DOCK3: variants seen among roughly 807,000 people sequenced by gnomAD.
The protein encoded by DOCK3 is dedicator of cytokinesis protein 3.
Under a neutral mutation model 265.6 loss-of-function variants are expected in DOCK3, and 60 were observed. The ratio of observed to expected loss-of-function variants is 0.23; its 90% CI spans 0.18 to 0.28. The LOEUF (loss-of-function observed/expected upper bound fraction) is 0.28, where lower values mean the gene tolerates loss of function less well. Among genes scored for constraint, DOCK3 ranks in the 10% least tolerant of loss-of-function variants. The probability of loss-of-function intolerance (pLI) is 1.00; values close to 1 mark genes in which losing one functional copy is unlikely to be tolerated. For missense variants in DOCK3, 1,981 were observed against 2,594.3 expected (o/e 0.76, Z 5.14); for synonymous variants, 881 against 938.0 (o/e 0.94, Z 1.11).
intron 3 of DOCK3, among the ~76,000 whole-genome samples, chr3:50,843,473 G>A (rs1300616811): frequency 6.6e-6 from 1 of 152,074 alleles, no homozygotes; most frequent in African/African-American, 2.4e-5. Flanking sequence ...TTATTTTAGA[G>A]TTAAGGAAAA....
At chr3:50,923,520 C>T (rs558435746) in intron 4 of DOCK3, among the ~76,000 whole-genome samples, 1 of 152,190 alleles carries the variant, frequency 6.6e-6, no homozygotes, top group Non-Finnish European at 1.5e-5. Flanking sequence ...TTCTCTTTTG[C>T]TCTTCTCTAA....
chr3:51,146,502 G>A (rs2085310392), intron 9 of DOCK3, 47 bp from the exon 10 acceptor site: 2 of 1,537,732 alleles, frequency 1.3e-6, no homozygotes, highest in Non-Finnish European at 1.8e-6. Flanking sequence ...CTTTGTTCTG[G>A]AGTGTGTTAC....
intron 4 of DOCK3, among the ~76,000 whole-genome samples, chr3:50,930,947 G>A (rs1033758444): frequency 1.3e-5 from 2 of 152,162 alleles, no homozygotes; most frequent in Non-Finnish European, 2.9e-5. Flanking sequence ...AGTGGCAGGA[G>A]AGGGCAGTGA....
At chr3:50,760,441 A>AC (rs1411991470) in intron 1 of DOCK3, among the ~76,000 whole-genome samples, 1 of 152,194 alleles carries the variant, frequency 6.6e-6, no homozygotes, top group Non-Finnish European at 1.5e-5. Flanking sequence ...TAGAAATCAT[A>AC]CCTTGAGTAT....
intron 9 of DOCK3, among the ~76,000 whole-genome samples, chr3:51,141,873 C>G (rs2085081845): frequency 6.6e-6 from 1 of 151,872 alleles, no homozygotes; most frequent in Non-Finnish European, 1.5e-5. Flanking sequence ...CACTTTTTCA[C>G]TTGTCTGTGT....
chr3:51,180,853 G>A (rs968593797), intron 12 of DOCK3, among the ~76,000 whole-genome samples: 1 of 152,128 alleles, frequency 6.6e-6, no homozygotes, highest in African/African-American at 2.4e-5. Flanking sequence ...GAGATTGTGT[G>A]CTCTCTGCAA....
chr3:51,145,387 A>G (rs931926696), intron 9 of DOCK3, among the ~76,000 whole-genome samples: 18 of 151,818 alleles, frequency 1.2e-4, no homozygotes, highest in East Asian at 5.8e-4. Context: ...CACTCCGCCT[A>G]CCCCACACCA....
intron 5 of DOCK3, among the ~76,000 whole-genome samples, chr3:51,008,642 T>C (rs1023315480): frequency 2.6e-5 from 4 of 152,216 alleles, no homozygotes; most frequent in African/African-American, 7.2e-5. Context: ...CTGATTGCCC[T>C]GGCCAGAACT....
chr3:50,723,216 G>C (rs1442135206), intron 1 of DOCK3, among the ~76,000 whole-genome samples: 1 of 152,142 alleles, frequency 6.6e-6, no homozygotes, highest in Non-Finnish European at 1.5e-5. Flanking sequence ...CTATACACAG[G>C]TCCATAGAGA....
chr3:50,864,451 C>T (rs2047049290), intron 3 of DOCK3, among the ~76,000 whole-genome samples: 1 of 152,098 alleles, frequency 6.6e-6, no homozygotes, highest in African/African-American at 2.4e-5. Flanking sequence ...TTGATATAAT[C>T]CCATTTATCT....
At position 50,849,900 on chromosome 3, in the gene DOCK3, A is replaced by G. The variant is rs377224671; in HGVS notation, c.162+8185A>G. On this transcript the variant is annotated intron_variant, in intron 3 of 52. Coordinates refer to ENST00000266037, the MANE Select transcript of DOCK3 (RefSeq NM_004947.5). ...GGACTTTGAGACCAGCCTGGGCAAC[A>G]TAGCGAAACCTCGTCTTTAAAAAAC... Among the ~76,000 whole-genome samples the G allele has an allele frequency of 1.2e-3, 180 of 152,120 alleles. 1 individual carries two copies. In the Middle Eastern group the frequency reaches 0.041, roughly 34 times the overall value.
At chr3:50,802,059 C>A (rs1364820474) in intron 2 of DOCK3, among the ~76,000 whole-genome samples, 1 of 151,898 alleles carries the variant, frequency 6.6e-6, no homozygotes, top group Non-Finnish European at 1.5e-5. Context: ...TTTTTTATTC[C>A]TTCAGTTACA....
At chr3:51,098,200 G>A (rs1000000044) in intron 9 of DOCK3, among the ~76,000 whole-genome samples, 29 of 152,116 alleles carry the variant, frequency 1.9e-4, no homozygotes, top group Non-Finnish European at 2.9e-4. Context: ...GGGATTACAG[G>A]TGCCCACCAC....
rs1313701543 is a variant in DOCK3, at chr3:51,332,296, G to A, written c.3489-705G>A. Among the ~76,000 whole-genome samples the A allele has an allele frequency of 2.6e-5, 4 of 152,246 alleles. No homozygotes were observed. The East Asian group carries it at 7.7e-4, about 29-fold the overall frequency. On this transcript the variant is annotated intron_variant, in intron 33 of 52. Transcript: ENST00000266037. ...GTTCAGGTCATTGTCCATTAGGAAA[G>A]ACCTGTGCGATGGCAGAGGATCTCA...
intron 5 of DOCK3, among the ~76,000 whole-genome samples, chr3:50,941,072 T>G (rs2076279520): frequency 6.6e-6 from 1 of 152,146 alleles, no homozygotes; most frequent in East Asian, 1.9e-4. Flanking sequence ...GGCAATACAT[T>G]GGACTTCTAT....
Position 51,069,691 on chromosome 3 carries a change from A to G in DOCK3, c.464+5095A>G, listed in dbSNP as rs539320042. On this transcript the variant is annotated intron_variant, in intron 6 of 52. Coordinates refer to ENST00000266037, the MANE Select transcript of DOCK3 (RefSeq NM_004947.5). ...TTTCTACTTTCTCATATTTTTACAT[A>G]TTCTAACCCATCTATATCTCTTTCT... is the stretch of plus-strand genomic sequence containing the variant. 3.3e-5 allele frequency among the ~76,000 whole-genome samples: 5 copies of G among 151,954 alleles called. No individual in the cohort carries two copies. The South Asian group carries it at 8.3e-4, about 25-fold the overall frequency.
chr3:50,953,985 A>G (rs2076662905), intron 5 of DOCK3, among the ~76,000 whole-genome samples: 1 of 152,168 alleles, frequency 6.6e-6, no homozygotes, highest in Non-Finnish European at 1.5e-5. Flanking sequence ...GTTCAGTGGT[A>G]TTAAGTACGT....
intron 5 of DOCK3, among the ~76,000 whole-genome samples, chr3:51,054,523 T>C (rs1371081107): frequency 6.6e-6 from 1 of 152,194 alleles, no homozygotes; most frequent in Non-Finnish European, 1.5e-5. Flanking sequence ...TCTAGGACAT[T>C]TTGTTTGTAT....
intron 3 of DOCK3, among the ~76,000 whole-genome samples, chr3:50,878,796 C>T (rs191415832): frequency 4.7e-4 from 71 of 152,156 alleles, no homozygotes; most frequent in African/African-American, 1.7e-3. Flanking sequence ...ATATACTCCT[C>T]GAGAAGAGCA....
Sources: allele counts gnomAD v4.1 joint callset (sites outside exome capture counted in the v4.1 genomes callset), GRCh38; gene constraint gnomAD v4.1.1; transcripts MANE v1.5; gene names NCBI Gene and HGNC (gene_info 2026-07-23, HGNC 2026-07-21).